Variants in INTS2 observed in about 807,000 individuals in gnomAD.
The protein encoded by INTS2 is KIAA1287.
In INTS2, 57 loss-of-function variants were observed where a neutral mutation model predicts 139.6. The observed-to-expected ratio is 0.41, with a 90% CI of 0.33 to 0.51. The LOEUF (loss-of-function observed/expected upper bound fraction) is 0.51, where lower values mean the gene tolerates loss of function less well. Among genes scored for constraint, INTS2 ranks in the 20% least tolerant of loss-of-function variants. INTS2 has a pLI of 0.28. For synonymous variants in INTS2, 473 were observed against 493.4 expected (o/e 0.96, Z 0.55); for missense variants, 1,196 against 1,436.7 (o/e 0.83, Z 2.71).
At chr17:61,878,560 T>C (rs1280118872) in intron 17 of INTS2, among the ~76,000 whole-genome samples, 1 of 151,694 alleles carries the variant, frequency 6.6e-6, no homozygotes, top group South Asian at 2.1e-4. Context: ...CAAGACTCCA[T>C]CTCAAAAAAA....
chr17:61,899,098 T>C (rs2079378758), intron 9 of INTS2, among the ~76,000 whole-genome samples: 1 of 152,156 alleles, frequency 6.6e-6, no homozygotes, highest in African/African-American at 2.4e-5. Flanking sequence ...ATATAACAAA[T>C]AATAAAGTGT....
At chr17:61,908,032 T>C (rs759804180) in intron 7 of INTS2, among the ~76,000 whole-genome samples, 28 of 152,202 alleles carry the variant, frequency 1.8e-4, no homozygotes, top group Non-Finnish European at 2.8e-4. Context: ...TTAGGCACAT[T>C]GGTTAGCCTC....
chr17:61,880,889 A>T, intron 17 of INTS2, 118 bp downstream of exon 17: 3 of 803,470 alleles, frequency 3.7e-6, no homozygotes, highest in Non-Finnish European at 6.0e-6. Flanking sequence ...CTTAAAATAC[A>T]TTCACCAAAA....
rs768343271 is a variant in INTS2 at position 61,893,745 on chromosome 17, T to G, written c.1698+20A>C. The G allele has an allele frequency of 8.5e-6, 13 of 1,526,944 alleles. No homozygotes were observed. The highest frequency in any genetic ancestry group is 5.3e-6 in the Non-Finnish European group (6 of 1,136,014). 94.6% of individuals were successfully genotyped at this position (1,526,944 alleles called of 1,614,324 possible). A position where few individuals can be genotyped will look rare whatever the true frequency, so the allele number is the denominator to read the frequency against. On this transcript the variant is annotated intron_variant, in intron 13 of 24. Transcript: ENST00000251334. The surrounding 1 kb of genome is among the most constrained non-coding windows in gnomAD (Gnocchi z 5.4). ...AATGTAGGGGCATGCTTTTATTTTG[T>G]TTTATTTGTAGGGGCATACTTTTAT...
At chr17:61,911,360 T>G in intron 7 of INTS2, 160 bp downstream of exon 7, 1 of 505,274 alleles carries the variant, frequency 2.0e-6, no homozygotes, top group Non-Finnish European at 3.4e-6. Flanking sequence ...ACAAAAGCTC[T>G]TTGGTATCCT....
At chr17:61,900,966 T>A (rs1477054252) in intron 9 of INTS2, among the ~76,000 whole-genome samples, 1 of 151,388 alleles carries the variant, frequency 6.6e-6, no homozygotes, top group East Asian at 2.0e-4. Flanking sequence ...AAATTATATT[T>A]ATATATGTAT....
chr17:61,927,888 C>A lies in INTS2; in HGVS notation c.-253G>T, dbSNP rs1305709648. 1 of 1,611,604 alleles carries A rather than the reference C, an allele frequency of 6.2e-7. No individual in the cohort carries two copies. The stretch of plus-strand genomic sequence containing the variant: ...GCACCACACAAAGGCAGAACCGGGA[C>A]TGTAGGAACGGAAAAGCGGGAGACT... On this transcript the variant is annotated 5_prime_UTR_variant, in exon 1 of 25. Transcript: ENST00000251334.
chr17:61,905,965 GGGATTACAGGCGT>G lies in INTS2; in HGVS notation c.1182-1393_1182-1381del, dbSNP rs1480963578. 1.1e-4 allele frequency among the ~76,000 whole-genome samples: 17 copies of G among 152,186 alleles called. No individual in the cohort carries two copies. The East Asian group carries it at 3.3e-3, about 29-fold the overall frequency. ...GTCCACCTTGGCCCCCCAAAGTGCT[GGGATTACAGGCGT>G]GAGCCACCGCGCCTGGCCTATGCTT... is the stretch of plus-strand genomic sequence containing the variant. On this transcript the variant is annotated intron_variant, in intron 8 of 24. Transcript: ENST00000251334.
At position 61,889,988 on chromosome 17, in the gene INTS2, G is replaced by T. The variant is rs369544531; in HGVS notation, c.1876-94C>A. The T allele has an allele frequency of 4.9e-5, 36 of 731,588 alleles. No homozygotes were observed. The Middle Eastern group carries it at 1.1e-3, about 22-fold the overall frequency. 45.3% of individuals were successfully genotyped at this position (731,588 alleles called of 1,614,324 possible). ...TAAAAGAATCAAAATAGACTATTCA[G>T]CATTGCTGCTCCTAACTCAGGTAAA... On this transcript the variant is annotated intron_variant, in intron 14 of 24. Coordinates refer to ENST00000251334, the MANE Select transcript of INTS2 (RefSeq NM_001351695.2).
chr17:61,918,251 T>C (rs1402872230), intron 5 of INTS2, among the ~76,000 whole-genome samples: 1 of 152,196 alleles, frequency 6.6e-6, no homozygotes, highest in Non-Finnish European at 1.5e-5. Context: ...TTTGGTTTGT[T>C]TGTTTGTTTA....
intron 15 of INTS2, among the ~76,000 whole-genome samples, chr17:61,887,482 CAAAA>C (rs1240524678): frequency 5.9e-5 from 3 of 50,554 alleles, no homozygotes; most frequent in Non-Finnish European, 8.3e-5. Context: ...GACTCTGTCT[CAAAA>C]AAAAAAAAAA....
chr17:61,886,493 G>C (rs2079230151), intron 15 of INTS2, among the ~76,000 whole-genome samples: 1 of 152,050 alleles, frequency 6.6e-6, no homozygotes, highest in African/African-American at 2.4e-5. Flanking sequence ...CTCACCTTTT[G>C]TTTAAATATC....
rs113146567 is a variant in INTS2 at position 61,873,705 on chromosome 17, T to C, written c.2582+1208A>G. On this transcript the variant is annotated intron_variant, in intron 19 of 24. Transcript: ENST00000251334. The surrounding 1 kb of genome is among the most constrained non-coding windows in gnomAD (Gnocchi z 4.0). Reference sequence around the variant, plus strand: ...ACCAAACCATATTTAGCTAATTTTGTAGATTTTGTCACTTCGAGAATGTCA... The same window carrying C: ...ACCAAACCATATTTAGCTAATTTTGCAGATTTTGTCACTTCGAGAATGTCA... 9.8e-4 allele frequency among the ~76,000 whole-genome samples: 150 copies of C among 152,326 alleles called. No homozygotes were observed. Among genetic ancestry groups the C allele is most frequent in the African/African-American group, 3.5e-3 (145 of 41,582 alleles).
At chr17:61,925,436 G>A (rs1567923511) in intron 2 of INTS2, among the ~76,000 whole-genome samples, 1 of 151,922 alleles carries the variant, frequency 6.6e-6, no homozygotes, top group African/African-American at 2.4e-5. Flanking sequence ...AAAAAGCCGG[G>A]CATGGTGGCG....
At position 61,872,133 on chromosome 17, in the gene INTS2, T is replaced by C. The variant is rs1400201854; in HGVS notation, c.2778+132A>G. 3 of 509,504 alleles carry C rather than the reference T, an allele frequency of 5.9e-6. No homozygotes were observed. The highest frequency in any genetic ancestry group is 5.7e-5 in the African/African-American group (3 of 53,008). The allele number at this position is 509,504 out of a possible 1,614,324, so 31.6% of individuals were successfully genotyped here. ...GCAAAGGTAACATCATTGTAATAGA[T>C]TCTATAATAAAAGAAATGCACAATA... On this transcript the variant is annotated intron_variant, in intron 20 of 24. Transcript: ENST00000251334. This position sits in a 1 kb window ranked among gnomAD's most constrained non-coding sequence, Gnocchi z 4.8.
intron 14 of INTS2, among the ~76,000 whole-genome samples, chr17:61,890,594 A>T (rs1275944540): frequency 7.0e-6 from 1 of 142,066 alleles, no homozygotes; most frequent in Non-Finnish European, 1.5e-5. Flanking sequence ...GGGGCAACAG[A>T]GTGAGACTCT....
rs1003997546 is a variant in INTS2, at chr17:61,876,060, T to C, written c.2457-1022A>G. Reference sequence around the variant, plus strand: ...GGGTATGCACCTGTAGTCCAGCTATTTGGGAGGCTGAGGCAGAAGGATCGT... The same window carrying C: ...GGGTATGCACCTGTAGTCCAGCTATCTGGGAGGCTGAGGCAGAAGGATCGT... On this transcript the variant is annotated intron_variant, in intron 18 of 24. Coordinates refer to ENST00000251334, the MANE Select transcript of INTS2 (RefSeq NM_001351695.2). The surrounding 1 kb of genome is among the most constrained non-coding windows in gnomAD (Gnocchi z 4.1). 5.9e-5 allele frequency among the ~76,000 whole-genome samples: 9 copies of C among 152,054 alleles called. No individual in the cohort carries two copies. The highest frequency in any genetic ancestry group is 2.2e-4 in the African/African-American group (9 of 41,400).
At position 61,881,049 on chromosome 17, in the gene INTS2, T is replaced by C. The variant is rs771144555; in HGVS notation, c.2212A>G (p.Thr738Ala). The C allele has an allele frequency of 1.2e-6, 2 of 1,613,910 alleles. No individual in the cohort carries two copies. Among genetic ancestry groups the C allele is most frequent in the African/African-American group, 1.3e-5 (1 of 75,048 alleles). The part of the protein sequence containing the change: ...TDALLRRMLL[T>A]NNAKNHSPKQ... The stretch of plus-strand genomic sequence containing the variant: ...GGAGAATGATTTTTAGCATTATTAG[T>C]CAGGAGCATTCGCCGTAGCAGGGCA... Residue 738 changes from threonine (T) to alanine (A), a missense_variant, in exon 17 of 25, where the codon ACT (threonine) becomes GCT (alanine). Thr to Ala is a moderately conservative substitution (Grantham distance 58). Around this residue, in one of 3 missense-constraint regions of INTS2, gnomAD observed 1,129 missense variants for 1,341.9 expected, o/e 0.84. Coordinates refer to ENST00000251334, the MANE Select transcript of INTS2 (RefSeq NM_001351695.2).
rs184835602 is a variant in INTS2 at position 61,875,506 on chromosome 17, C to T, written c.2457-468G>A. On this transcript the variant is annotated intron_variant, in intron 18 of 24. Coordinates refer to ENST00000251334, the MANE Select transcript of INTS2 (RefSeq NM_001351695.2). The surrounding 1 kb of genome is among the most constrained non-coding windows in gnomAD (Gnocchi z 4.6). ...ATCATAAAGTCTCCAAGTGAGATGC[C>T]ACTTTGAGATTAGACATTAATAGAT... 7.2e-4 allele frequency among the ~76,000 whole-genome samples: 110 copies of T among 152,166 alleles called. 2 individuals carry two copies. The East Asian group carries it at 0.02, about 28-fold the overall frequency.
Sources: gnomAD v4.1 joint callset for allele counts (sites outside exome capture counted in the v4.1 genomes callset) on GRCh38, gnomAD v4.1.1 for gene constraint, gnomAD v4.1.1 regional missense constraint, Gnocchi (gnomAD v3.1) non-coding constraint, MANE v1.5 for transcripts, NCBI Gene and HGNC (gene_info 2026-07-23, HGNC 2026-07-21) for gene names.